PRKCA: variants seen among roughly 807,000 people sequenced by gnomAD.
PRKCA encodes protein kinase C alpha type.
Under a neutral mutation model 87.0 loss-of-function variants are expected in PRKCA, and 27 were observed. The ratio of observed to expected loss-of-function variants is 0.31; its 90% CI spans 0.23 to 0.43. The LOEUF is 0.43. Ranked by LOEUF, PRKCA falls within the 20% of genes least tolerant of loss-of-function variation. PRKCA has a pLI of 1.00. For missense variants in PRKCA, 518 were observed against 852.3 expected (o/e 0.61, Z 4.88); for synonymous variants, 329 against 311.1 (o/e 1.06, Z -0.61).
chr17:66,317,669 G>A (rs62069943), intron 2 of PRKCA, among the ~76,000 whole-genome samples: 1 of 151,954 alleles, frequency 6.6e-6, no homozygotes, highest in Admixed American at 6.6e-5. Context: ...ATGATTTGTG[G>A]TGCTGTTTGT....
intron 2 of PRKCA, among the ~76,000 whole-genome samples, chr17:66,354,660 C>A (rs774587352): frequency 8.0e-4 from 122 of 152,304 alleles, no homozygotes; most frequent in Non-Finnish European, 1.4e-3. Context: ...TGGCCTCGGA[C>A]TGCCTACTTG....
At position 66,731,397 on chromosome 17, in the gene PRKCA, C is replaced by T. The variant is rs574366557; in HGVS notation, c.919-1291C>T. On this transcript the variant is annotated intron_variant, in intron 8 of 16. Transcript: ENST00000413366. ...AATGTATCCAAGGCAAGAATCATTG[C>T]CCTAGGGCTCAGGGATGTGGCTGTG... is the stretch of plus-strand genomic sequence containing the variant. Among the ~76,000 whole-genome samples the T allele has an allele frequency of 1.3e-3, 192 of 151,188 alleles. 1 individual carries two copies. The highest frequency in any genetic ancestry group is 2.4e-3 in the Non-Finnish European group (160 of 67,974).
chr17:66,690,644 A>G (rs1423947435), intron 8 of PRKCA, among the ~76,000 whole-genome samples: 2 of 152,092 alleles, frequency 1.3e-5, no homozygotes, highest in African/African-American at 4.8e-5. Flanking sequence ...ACTGGCCAAC[A>G]TGGCGAAACC....
rs12942694 is a variant in PRKCA at position 66,793,546 on chromosome 17, C to T, written c.1854+4567C>T. Among the ~76,000 whole-genome samples, 7 of 126,986 alleles carry T rather than the reference C, an allele frequency of 5.5e-5. No individual in the cohort carries two copies. The East Asian group carries it at 1.3e-3, about 24-fold the overall frequency. 83.3% of individuals were successfully genotyped at this position (126,986 alleles called of 152,430 possible). ...CGGAAGTTGCAGTGAGCCCAGATTGCGTCATTGCACTACAGCCTGGGCGAC... is the reference window on the plus strand; with the variant it reads ...CGGAAGTTGCAGTGAGCCCAGATTGTGTCATTGCACTACAGCCTGGGCGAC... On this transcript the variant is annotated intron_variant, in intron 16 of 16. Coordinates refer to ENST00000413366, the MANE Select transcript of PRKCA (RefSeq NM_002737.3).
intron 2 of PRKCA, among the ~76,000 whole-genome samples, chr17:66,490,937 A>C (rs918947066): frequency 1.2e-4 from 18 of 152,200 alleles, no homozygotes; most frequent in African/African-American, 4.1e-4. Flanking sequence ...TCTGAAATAT[A>C]CTTTCGACAA....
At chr17:66,621,831 A>C (rs1430908005) in intron 3 of PRKCA, among the ~76,000 whole-genome samples, 1 of 152,210 alleles carries the variant, frequency 6.6e-6, no homozygotes, top group Non-Finnish European at 1.5e-5. Flanking sequence ...CTGATCCTCT[A>C]ATGCATTTCC....
At chr17:66,379,277 A>G (rs1456308819) in intron 2 of PRKCA, among the ~76,000 whole-genome samples, 1 of 152,198 alleles carries the variant, frequency 6.6e-6, no homozygotes, top group African/African-American at 2.4e-5. Flanking sequence ...TACCAGCAGT[A>G]TGGTAGAGTT....
chr17:66,576,370 G>C (rs891029426), intron 3 of PRKCA, among the ~76,000 whole-genome samples: 8 of 152,178 alleles, frequency 5.3e-5, no homozygotes, highest in African/African-American at 9.7e-5. Flanking sequence ...TTGGGTTTTG[G>C]CCTCTTGAAA....
At chr17:66,563,295 G>A (rs77500773) in intron 3 of PRKCA, among the ~76,000 whole-genome samples, 4,643 of 152,136 alleles carry the variant, frequency 0.031, 176 homozygotes, top group East Asian at 0.15. Flanking sequence ...TCATACAGAG[G>A]ATCTTCACTG....
chr17:66,418,209 A>G (rs963091357), intron 2 of PRKCA, among the ~76,000 whole-genome samples: 2 of 151,694 alleles, frequency 1.3e-5, no homozygotes, highest in Non-Finnish European at 2.9e-5. Context: ...TCTAAAAGCT[A>G]TGAGAAAACT....
chr17:66,582,338 A>T (rs555458179), intron 3 of PRKCA, among the ~76,000 whole-genome samples: 6 of 152,250 alleles, frequency 3.9e-5, no homozygotes, highest in African/African-American at 1.4e-4. Flanking sequence ...TTGGGATTTG[A>T]TATAGTGTGG....
rs571517469 is a variant in PRKCA at position 66,667,876 on chromosome 17, G to A, written c.530-19235G>A. 1.3e-3 allele frequency among the ~76,000 whole-genome samples: 196 copies of A among 152,308 alleles called. 1 individual carries two copies. The highest frequency in any genetic ancestry group is 4.6e-3 in the African/African-American group (192 of 41,558). On this transcript the variant is annotated intron_variant, in intron 5 of 16. Transcript: ENST00000413366. ...TTTCTGGATTGAATTGCGGTAACCA[G>A]TTGGTAACCTCTGAAATGCAATCTC...
intron 3 of PRKCA, among the ~76,000 whole-genome samples, chr17:66,637,170 G>A (rs1971170333): frequency 6.6e-6 from 1 of 152,132 alleles, no homozygotes; most frequent in Non-Finnish European, 1.5e-5. Context: ...TGAAAAGTGA[G>A]TTGCCTGTGT....
At chr17:66,514,942 G>A (rs917202428) in intron 3 of PRKCA, among the ~76,000 whole-genome samples, 1 of 152,066 alleles carries the variant, frequency 6.6e-6, no homozygotes, top group Admixed American at 6.6e-5. Context: ...CTGGAACAAA[G>A]TTAACTTAGT....
intron 3 of PRKCA, among the ~76,000 whole-genome samples, chr17:66,572,204 C>T (rs897310049): frequency 3.3e-5 from 5 of 152,182 alleles, no homozygotes; most frequent in Admixed American, 2.6e-4. Context: ...TGGTGGCGCA[C>T]GCCTGTAATC....
intron 3 of PRKCA, among the ~76,000 whole-genome samples, chr17:66,555,416 T>A (rs1968465186): frequency 6.6e-6 from 1 of 152,166 alleles, no homozygotes; most frequent in Non-Finnish European, 1.5e-5. Context: ...TATTGCAGAA[T>A]CTTTGTGGAG....
chr17:66,621,343 A>C (rs1319520882), intron 3 of PRKCA, among the ~76,000 whole-genome samples: 4 of 152,354 alleles, frequency 2.6e-5, no homozygotes, highest in African/African-American at 9.6e-5. Flanking sequence ...TCATGATTTT[A>C]TCCATTGAAG....
chr17:66,747,188 A>C (rs1178192555), intron 13 of PRKCA, among the ~76,000 whole-genome samples: 1 of 151,900 alleles, frequency 6.6e-6, no homozygotes, highest in Non-Finnish European at 1.5e-5. Context: ...TTCCACCTCA[A>C]CCTCTTGGGT....
chr17:66,422,320 G>A (rs145397434), intron 2 of PRKCA, among the ~76,000 whole-genome samples: 172 of 152,288 alleles, frequency 1.1e-3, no homozygotes, highest in African/African-American at 4.0e-3. Context: ...TACATTGGCA[G>A]TTCTGTTTCA....
Sources: gnomAD v4.1 joint callset for allele counts (sites outside exome capture counted in the v4.1 genomes callset) on GRCh38, gnomAD v4.1.1 for gene constraint, MANE v1.5 for transcripts, NCBI Gene and HGNC (gene_info 2026-07-23, HGNC 2026-07-21) for gene names.